The following DOCK1 variants were observed in gnomAD, a reference collection of about 807,000 sequenced individuals.
DOCK1 encodes dedicator of cytokinesis 1.
A neutral mutation model predicts 262.7 loss-of-function variants in DOCK1; 138 were observed. The observed-to-expected ratio is 0.53, with a 90% CI of 0.46 to 0.61. The LOEUF is 0.61. Ranked by LOEUF, DOCK1 falls within the 20% of genes least tolerant of loss-of-function variation. The probability of loss-of-function intolerance (pLI) is 0.00; values close to 1 mark genes in which losing one functional copy is unlikely to be tolerated. For missense variants in DOCK1, 1,908 were observed against 2,370.7 expected (o/e 0.80, Z 4.05); for synonymous variants, 866 against 867.4 (o/e 1.00, Z 0.03).
At chr10:127,048,345 CTGTT>C (rs1185932289) in intron 21 of DOCK1, among the ~76,000 whole-genome samples, 4 of 151,686 alleles carry the variant, frequency 2.6e-5, no homozygotes, top group African/African-American at 9.7e-5. Flanking sequence ...ATTTTGTTGT[CTGTT>C]TCTTATTGAT....
chr10:127,341,251 A>G (rs543875634), intron 30 of DOCK1, among the ~76,000 whole-genome samples: 12 of 152,344 alleles, frequency 7.9e-5, no homozygotes, highest in African/African-American at 2.9e-4. Context: ...TTATAAATGT[A>G]TGTGTGTATA....
chr10:127,297,296 G>A (rs2061535155), intron 29 of DOCK1, among the ~76,000 whole-genome samples: 1 of 152,198 alleles, frequency 6.6e-6, no homozygotes, highest in Admixed American at 6.5e-5. Flanking sequence ...GGAATGTGGA[G>A]GGACGAATCC....
At chr10:126,958,914 G>A (rs1455130247) in intron 1 of DOCK1, among the ~76,000 whole-genome samples, 2 of 152,214 alleles carry the variant, frequency 1.3e-5, no homozygotes, top group African/African-American at 4.8e-5. Flanking sequence ...GAGGTCCTGA[G>A]AACATGTGCC....
At chr10:127,339,648 T>TGCGC (rs56813753) in intron 30 of DOCK1, among the ~76,000 whole-genome samples, 3 of 143,784 alleles carry the variant, frequency 2.1e-5, no homozygotes, top group Non-Finnish European at 4.5e-5. Flanking sequence ...TGTGTGTGTG[T>TGCGC]GCGCGCGCGC....
chr10:127,344,785 C>T (rs2063561274), intron 31 of DOCK1, among the ~76,000 whole-genome samples: 1 of 152,000 alleles, frequency 6.6e-6, no homozygotes, highest in Admixed American at 6.6e-5. Context: ...CACTTGAGCC[C>T]AGGAGGTCAA....
Position 126,995,945 on chromosome 10 carries a change from G to A in DOCK1, c.474-803G>A, listed in dbSNP as rs182862584. Reference sequence around the variant, plus strand: ...GGTCAGTGGGGAGTAAAAAGGTGGTGGATAGATCTCTCCTCCAAGTTTTCT... The same window carrying A: ...GGTCAGTGGGGAGTAAAAAGGTGGTAGATAGATCTCTCCTCCAAGTTTTCT... On this transcript the variant is annotated intron_variant, in intron 6 of 51. Coordinates refer to ENST00000623213, the MANE Select transcript of DOCK1 (RefSeq NM_001290223.2). This position sits in a 1 kb window ranked among gnomAD's most constrained non-coding sequence, Gnocchi z 5.8. Among the ~76,000 whole-genome samples, 54 of 152,250 alleles carry A rather than the reference G, an allele frequency of 3.5e-4. No individual in the cohort carries two copies. The highest frequency in any genetic ancestry group is 2.2e-3 in the Admixed American group (34 of 15,300).
At chr10:127,004,941 A>G (rs766930613) in intron 10 of DOCK1, among the ~76,000 whole-genome samples, 4 of 152,104 alleles carry the variant, frequency 2.6e-5, no homozygotes, top group Non-Finnish European at 4.4e-5. Context: ...TGCCCCGCTT[A>G]TCACATGGTG....
intron 38 of DOCK1, among the ~76,000 whole-genome samples, chr10:127,392,407 G>A (rs2066532866): frequency 1.3e-5 from 2 of 152,072 alleles, no homozygotes; most frequent in Non-Finnish European, 2.9e-5. Context: ...CCCTCTGAGG[G>A]AGCTGTGCCG....
intron 32 of DOCK1, among the ~76,000 whole-genome samples, chr10:127,356,735 A>G (rs1483417163): frequency 6.6e-6 from 1 of 152,124 alleles, no homozygotes; most frequent in Non-Finnish European, 1.5e-5. Context: ...AGGAGGTGAT[A>G]TGAGCTCCAC....
chr10:126,939,939 T>C (rs1056429229), intron 1 of DOCK1, among the ~76,000 whole-genome samples: 8 of 152,310 alleles, frequency 5.3e-5, no homozygotes, highest in Admixed American at 4.6e-4. Context: ...CCTTGTTGCC[T>C]GAATAGGAGC....
intron 31 of DOCK1, among the ~76,000 whole-genome samples, chr10:127,350,460 C>T (rs1226777485): frequency 2.0e-5 from 3 of 152,170 alleles, no homozygotes; most frequent in Admixed American, 1.3e-4. Context: ...GTCCAGATTT[C>T]GTCTCTCCTT....
chr10:127,147,255 A>T (rs2051962303), intron 27 of DOCK1, among the ~76,000 whole-genome samples: 1 of 152,112 alleles, frequency 6.6e-6, no homozygotes. Flanking sequence ...GGGAGTGTTC[A>T]CGGGTCGCGA....
chr10:126,969,270 G>C (rs1226819558), intron 1 of DOCK1, among the ~76,000 whole-genome samples: 1 of 152,224 alleles, frequency 6.6e-6, no homozygotes, highest in Non-Finnish European at 1.5e-5. Flanking sequence ...GCACCCAGGG[G>C]CTCGGGGAGG....
chr10:127,169,671 G>A (rs2054384515), intron 27 of DOCK1, among the ~76,000 whole-genome samples: 1 of 152,098 alleles, frequency 6.6e-6, no homozygotes, highest in Admixed American at 6.5e-5. Context: ...ACAAAGACTG[G>A]CTGTCAATAT....
chr10:127,203,066 C>G (rs530651928), intron 27 of DOCK1, among the ~76,000 whole-genome samples: 10 of 152,314 alleles, frequency 6.6e-5, no homozygotes, highest in African/African-American at 2.4e-4. Context: ...GCAATATACT[C>G]AAATCATTTT....
chr10:127,338,973 G>A, intron 29 of DOCK1, 33 bp from the exon 30 acceptor site: 3 of 1,540,330 alleles, frequency 1.9e-6, no homozygotes, highest in Non-Finnish European at 2.6e-6. Flanking sequence ...GAGCGTAAGT[G>A]TGTAATTATG....
At chr10:127,269,882 A>G (rs1281631811) in intron 29 of DOCK1, among the ~76,000 whole-genome samples, 2 of 152,254 alleles carry the variant, frequency 1.3e-5, no homozygotes, top group African/African-American at 2.4e-5. Flanking sequence ...CCCCGTTGGC[A>G]TAACGAGAAT....
chr10:127,417,096 C>T (rs1317557536), intron 44 of DOCK1, among the ~76,000 whole-genome samples: 1 of 152,218 alleles, frequency 6.6e-6, no homozygotes, highest in Non-Finnish European at 1.5e-5. Context: ...CCCCCAGCTC[C>T]CAGGCAGTCC....
intron 7 of DOCK1, among the ~76,000 whole-genome samples, chr10:126,997,421 A>C (rs2040283003): frequency 6.6e-6 from 1 of 152,130 alleles, no homozygotes; most frequent in African/African-American, 2.4e-5. Context: ...GGCCTCAGGA[A>C]TCTTATAATT....
Sources: gnomAD v4.1 joint callset for allele counts (sites outside exome capture counted in the v4.1 genomes callset) on GRCh38, gnomAD v4.1.1 for gene constraint, Gnocchi (gnomAD v3.1) non-coding constraint, MANE v1.5 for transcripts, NCBI Gene and HGNC (gene_info 2026-07-23, HGNC 2026-07-21) for gene names.